Variants in LRRC4C observed in about 807,000 individuals in gnomAD.
LRRC4C encodes leucine rich repeat containing 4C, also known as leucine-rich repeat-containing protein 4C.
A neutral mutation model predicts 33.6 loss-of-function variants in LRRC4C; 5 were observed. The ratio of observed to expected loss-of-function variants is 0.15; its 90% CI spans 0.08 to 0.31. The LOEUF is 0.31. Ranked by LOEUF, LRRC4C falls within the 10% of genes least tolerant of loss-of-function variation. The pLI is 1.00. For synonymous variants in LRRC4C, 329 were observed against 302.0 expected, an observed-to-expected ratio of 1.09 and a Z score of -0.93; for missense variants, 560 against 796.7, an observed-to-expected ratio of 0.70 and a Z score of 3.58.
intron 1 of LRRC4C, among the ~76,000 whole-genome samples, chr11:41,389,491 A>G (rs554450053): frequency 6.6e-6 from 1 of 151,866 alleles, no homozygotes; most frequent in Non-Finnish European, 1.5e-5. Context: ...GGCAAGAGAT[A>G]TCATGAGGTC....
chr11:40,696,057 G>A (rs1269402946), intron 2 of LRRC4C, among the ~76,000 whole-genome samples: 1 of 145,372 alleles, frequency 6.9e-6, no homozygotes, highest in South Asian at 2.2e-4. Context: ...GTGTGTGTGT[G>A]TGTATATATG....
intron 2 of LRRC4C, among the ~76,000 whole-genome samples, chr11:40,653,247 G>A (rs1249252984): frequency 6.6e-6 from 1 of 152,206 alleles, no homozygotes; most frequent in Non-Finnish European, 1.5e-5. Flanking sequence ...AGTTGGAACA[G>A]TTTGGAGGGC....
chr11:41,265,900 T>C (rs1949135731), intron 1 of LRRC4C, among the ~76,000 whole-genome samples: 1 of 151,872 alleles, frequency 6.6e-6, no homozygotes, highest in Non-Finnish European at 1.5e-5. Flanking sequence ...AATAATTACA[T>C]TCTTTAATAG....
rs568794024 is a variant in LRRC4C at position 41,326,220 on chromosome 11, T to G, written c.-496+133211A>C. Among the ~76,000 whole-genome samples the G allele has an allele frequency of 3.2e-4, 49 of 152,316 alleles. No homozygotes were observed. The East Asian group carries it at 7.9e-3, about 25-fold the overall frequency. ...CTGATTTGCTTTCAGAAAGTCATCC[T>G]TCTCCATTGCTGGATACTTCGTGCC... On this transcript the variant is annotated intron_variant, in intron 1 of 6. Coordinates refer to ENST00000528697, the MANE Select transcript of LRRC4C (RefSeq NM_001258419.2).
At chr11:40,389,892 T>C (rs1244219160) in intron 3 of LRRC4C, among the ~76,000 whole-genome samples, 3 of 152,162 alleles carry the variant, frequency 2.0e-5, no homozygotes, top group African/African-American at 7.2e-5. Context: ...ATAGGATAAG[T>C]AGAAAGAAGT....
At chr11:40,369,483 C>T (rs1948357021) in intron 3 of LRRC4C, among the ~76,000 whole-genome samples, 1 of 152,146 alleles carries the variant, frequency 6.6e-6, no homozygotes, top group Non-Finnish European at 1.5e-5. Flanking sequence ...GGATTACAGG[C>T]ATGCACCACC....
chr11:40,972,915 T>A (rs1851826033), intron 1 of LRRC4C, among the ~76,000 whole-genome samples: 1 of 151,992 alleles, frequency 6.6e-6, no homozygotes, highest in East Asian at 1.9e-4. Flanking sequence ...TTGGAGGAGG[T>A]GCCTGGTGGG....
intron 1 of LRRC4C, among the ~76,000 whole-genome samples, chr11:41,302,665 CATT>C (rs1465244461): frequency 3.9e-5 from 6 of 152,142 alleles, no homozygotes; most frequent in African/African-American, 7.2e-5. Flanking sequence ...AAAATGTATT[CATT>C]ATTATTTTCA....
intron 2 of LRRC4C, among the ~76,000 whole-genome samples, chr11:40,901,999 TACAC>T (rs369525560): frequency 0.13 from 17,469 of 139,568 alleles, 1,133 homozygotes; most frequent in East Asian, 0.19. Context: ...TCTCTCTCTC[TACAC>T]ACACACACAC....
rs80014651 is a variant in LRRC4C at position 40,664,459 on chromosome 11, C to G, written c.-406-16181G>C. 2.0e-5 allele frequency among the ~76,000 whole-genome samples: 3 copies of G among 151,992 alleles called. No individual in the cohort carries two copies. In the East Asian group the frequency reaches 5.8e-4, roughly 30 times the overall value. On this transcript the variant is annotated intron_variant, in intron 2 of 6. Transcript: ENST00000528697. The stretch of plus-strand genomic sequence containing the variant: ...ACTTGGGAGGATGAGGCAGGAGAAT[C>G]GCTTGAACCCGATGGGTGGAGGTTG...
intron 1 of LRRC4C, among the ~76,000 whole-genome samples, chr11:41,372,152 A>C (rs934156825): frequency 6.6e-6 from 1 of 152,170 alleles, no homozygotes; most frequent in Non-Finnish European, 1.5e-5. Flanking sequence ...CTCAATAAAA[A>C]AATAAAATAA....
chr11:41,447,797 A>T (rs1047436625), intron 1 of LRRC4C, among the ~76,000 whole-genome samples: 1 of 152,178 alleles, frequency 6.6e-6, no homozygotes, highest in Non-Finnish European at 1.5e-5. Flanking sequence ...ACTGCCATTC[A>T]TTCTTCTATC....
intron 4 of LRRC4C, among the ~76,000 whole-genome samples, chr11:40,300,439 A>G (rs1467911495): frequency 6.6e-6 from 1 of 152,250 alleles, no homozygotes. Context: ...TGTTACCCAA[A>G]GATTAACAGA....
At chr11:40,879,089 T>C (rs1955048913) in intron 2 of LRRC4C, among the ~76,000 whole-genome samples, 1 of 152,218 alleles carries the variant, frequency 6.6e-6, no homozygotes, top group African/African-American at 2.4e-5. Context: ...ATAGTGTTCT[T>C]GTACAGTGCC....
At chr11:40,174,525 T>C (rs149198798) in intron 5 of LRRC4C, among the ~76,000 whole-genome samples, 7 of 152,336 alleles carry the variant, frequency 4.6e-5, no homozygotes, top group Admixed American at 2.6e-4. Context: ...AAAGGCAGTA[T>C]TGTCTCAGTA....
chr11:40,921,397 A>G (rs930095344), intron 2 of LRRC4C, among the ~76,000 whole-genome samples: 2 of 152,114 alleles, frequency 1.3e-5, no homozygotes, highest in Non-Finnish European at 2.9e-5. Flanking sequence ...GCTGAGAATG[A>G]CCTTCTGCTG....
At chr11:40,186,755 T>C (rs977572918) in intron 5 of LRRC4C, among the ~76,000 whole-genome samples, 11 of 152,178 alleles carry the variant, frequency 7.2e-5, no homozygotes, top group African/African-American at 2.7e-4. Flanking sequence ...CAGGGGAAGG[T>C]AGGCTTCCTG....
At chr11:41,139,955 T>A (rs991602) in intron 1 of LRRC4C, among the ~76,000 whole-genome samples, 147,794 of 152,246 alleles carry the variant, frequency 0.97, 71,908 homozygotes, top group East Asian at 1. Context: ...TTGACAATCC[T>A]GGTGTATAAG....
At chr11:40,756,246 T>A (rs747507934) in intron 2 of LRRC4C, among the ~76,000 whole-genome samples, 14 of 152,108 alleles carry the variant, frequency 9.2e-5, no homozygotes, top group Non-Finnish European at 1.8e-4. Flanking sequence ...ATTTAGTCTA[T>A]GGTCTTTTGT....
Sources: gnomAD v4.1 joint callset for allele counts (sites outside exome capture counted in the v4.1 genomes callset) on GRCh38, gnomAD v4.1.1 for gene constraint, MANE v1.5 for transcripts, NCBI Gene and HGNC (gene_info 2026-07-23, HGNC 2026-07-21) for gene names.